GMDS: variants seen among roughly 807,000 people sequenced by gnomAD.
GMDS encodes GDP-mannose 4,6 dehydratase.
GMDS carries 20 observed loss-of-function variants against 49.9 expected under a neutral mutation model. The ratio of observed to expected loss-of-function variants is 0.40; its 90% confidence interval spans 0.28 to 0.58. The LOEUF (loss-of-function observed/expected upper bound fraction) is 0.58, where lower values mean the gene tolerates loss of function less well. GMDS is among the 20% of genes least tolerant of loss of function. The pLI is 0.42. For synonymous variants in GMDS, 177 were observed against 178.6 expected (o/e 0.99, Z 0.07); for missense variants, 362 against 481.4 (o/e 0.75, Z 2.32).
intron 8 of GMDS, among the ~76,000 whole-genome samples, chr6:1,729,598 C>T (rs1173934858): frequency 1.3e-5 from 2 of 152,194 alleles, no homozygotes; most frequent in South Asian, 2.1e-4. Flanking sequence ...ATACATGAAA[C>T]ACTTGTATTA....
intron 1 of GMDS, among the ~76,000 whole-genome samples, chr6:2,215,979 G>A (rs1170265614): frequency 6.6e-6 from 1 of 152,014 alleles, no homozygotes; most frequent in Non-Finnish European, 1.5e-5. Context: ...AATTTGGAAG[G>A]GGATCACGGA....
rs1774907023 is a variant in GMDS, at chr6:2,117,462, G to T, written c.235+7C>A. Reference sequence around the variant, plus strand: ...GAAAGAGATTCTAGAAAAAGAAAATGACTTACTTCCTTCAATGTGAGCCTG... The same window carrying T: ...GAAAGAGATTCTAGAAAAAGAAAATTACTTACTTCCTTCAATGTGAGCCTG... On this transcript the variant is annotated splice_region_variant and intron_variant, in intron 3 of 10. Transcript: ENST00000380815. The T allele has an allele frequency of 3.4e-6, 5 of 1,488,286 alleles. No homozygotes were observed. The highest frequency in any genetic ancestry group is 1.4e-5 in the African/African-American group (1 of 72,620). 92.2% of individuals were successfully genotyped at this position (1,488,286 alleles called of 1,614,324 possible).
chr6:2,059,927 A>G (rs1193262164), intron 4 of GMDS, among the ~76,000 whole-genome samples: 2 of 152,146 alleles, frequency 1.3e-5, no homozygotes, highest in African/African-American at 2.4e-5. Context: ...TGGTATTAGA[A>G]TCTACCTTTT....
intron 4 of GMDS, among the ~76,000 whole-genome samples, chr6:2,010,317 A>G (rs1358186323): frequency 7.0e-6 from 1 of 142,398 alleles, no homozygotes; most frequent in Non-Finnish European, 1.5e-5. Flanking sequence ...ACATAGCAAG[A>G]CTCCATCTCA....
chr6:1,922,631 T>C (rs1407135764), intron 7 of GMDS, among the ~76,000 whole-genome samples: 1 of 152,136 alleles, frequency 6.6e-6, no homozygotes, highest in Non-Finnish European at 1.5e-5. Flanking sequence ...CCCCATCCTC[T>C]GCCTATAAAG....
intron 7 of GMDS, among the ~76,000 whole-genome samples, chr6:1,843,510 G>A (rs139001941): frequency 0.012 from 1,806 of 152,326 alleles, 15 homozygotes; most frequent in South Asian, 0.022. Context: ...GCTCACGCCT[G>A]TAATCCCAGC....
chr6:1,684,932 C>T (rs1303396127), intron 9 of GMDS, among the ~76,000 whole-genome samples: 8 of 152,090 alleles, frequency 5.3e-5, no homozygotes, highest in Non-Finnish European at 1.2e-4. Flanking sequence ...CCTGTGCCTG[C>T]CACTGAAGCC....
intron 7 of GMDS, among the ~76,000 whole-genome samples, chr6:1,793,123 C>T (rs182452576): frequency 6.6e-6 from 1 of 152,316 alleles, no homozygotes; most frequent in Admixed American, 6.5e-5. Flanking sequence ...ATAGTGATCT[C>T]TTCTAGTTTC....
At chr6:2,050,798 T>C (rs1307094735) in intron 4 of GMDS, among the ~76,000 whole-genome samples, 1 of 152,088 alleles carries the variant, frequency 6.6e-6, no homozygotes, top group Non-Finnish European at 1.5e-5. Flanking sequence ...TCTCAATAGA[T>C]GCAAAAAAGG....
At chr6:2,102,247 T>C (rs949590533) in intron 4 of GMDS, among the ~76,000 whole-genome samples, 6 of 152,170 alleles carry the variant, frequency 3.9e-5, no homozygotes, top group Non-Finnish European at 8.8e-5. Flanking sequence ...AAGTGTATCA[T>C]TTTTAAAAGC....
intron 7 of GMDS, among the ~76,000 whole-genome samples, chr6:1,785,169 T>C (rs114873610): frequency 0.011 from 1,633 of 152,314 alleles, 27 homozygotes; most frequent in African/African-American, 0.036. Flanking sequence ...TAAACAGGGT[T>C]ATGTATATAA....
intron 8 of GMDS, among the ~76,000 whole-genome samples, chr6:1,734,836 G>A (rs1022560404): frequency 1.3e-5 from 2 of 152,162 alleles, no homozygotes; most frequent in Non-Finnish European, 2.9e-5. Context: ...TGCTACTGAG[G>A]GTAGCTGAAG....
At chr6:1,879,925 T>C (rs1460745291) in intron 7 of GMDS, among the ~76,000 whole-genome samples, 4 of 152,150 alleles carry the variant, frequency 2.6e-5, no homozygotes, top group African/African-American at 9.7e-5. Flanking sequence ...CAAGAACACA[T>C]GACCTCGTCT....
At chr6:2,049,246 C>T (rs757520208) in intron 4 of GMDS, among the ~76,000 whole-genome samples, 1 of 152,116 alleles carries the variant, frequency 6.6e-6, no homozygotes, top group Non-Finnish European at 1.5e-5. Flanking sequence ...TCTATAGATT[C>T]ATTAGGAATT....
chr6:2,133,743 C>T (rs1241625165), intron 1 of GMDS, among the ~76,000 whole-genome samples: 3 of 152,022 alleles, frequency 2.0e-5, no homozygotes, highest in Non-Finnish European at 2.9e-5. Flanking sequence ...ATATCAGGAG[C>T]GTAAATGTAG....
At chr6:1,821,243 G>A (rs1770874409) in intron 7 of GMDS, among the ~76,000 whole-genome samples, 1 of 152,104 alleles carries the variant, frequency 6.6e-6, no homozygotes, top group Non-Finnish European at 1.5e-5. Flanking sequence ...TTGCATTTCG[G>A]AAGTGAGTGG....
At chr6:1,954,803 T>C (rs1763542627) in intron 6 of GMDS, among the ~76,000 whole-genome samples, 1 of 152,180 alleles carries the variant, frequency 6.6e-6, no homozygotes, top group African/African-American at 2.4e-5. Context: ...TGGAGGGCTA[T>C]TAAGTGGCCT....
At chr6:2,003,265 C>A (rs142261999) in intron 4 of GMDS, among the ~76,000 whole-genome samples, 33 of 152,276 alleles carry the variant, frequency 2.2e-4, no homozygotes, top group African/African-American at 7.5e-4. Context: ...TATGTGGCAT[C>A]AGAATCCCAC....
At chr6:1,738,083 CCA>C (rs1561769748) in intron 8 of GMDS, among the ~76,000 whole-genome samples, 12 of 145,852 alleles carry the variant, frequency 8.2e-5, no homozygotes, top group African/African-American at 2.3e-4. Flanking sequence ...CACACACACA[CCA>C]CACACATACA....
Sources: allele counts gnomAD v4.1 joint callset (sites outside exome capture counted in the v4.1 genomes callset), GRCh38; gene constraint gnomAD v4.1.1; transcripts MANE v1.5; gene names NCBI Gene and HGNC (gene_info 2026-07-23, HGNC 2026-07-21).